Variants in SLC6A9 observed in about 807,000 individuals in gnomAD.
SLC6A9 encodes the protein solute carrier family 6 member 9.
A neutral mutation model predicts 70.9 loss-of-function variants in SLC6A9; 31 were observed. The observed-to-expected ratio is 0.44, with a 90% confidence interval of 0.33 to 0.59. The LOEUF (loss-of-function observed/expected upper bound fraction) is 0.59, where lower values mean the gene tolerates loss of function less well. SLC6A9 is among the 20% of genes least tolerant of loss of function. SLC6A9 has a pLI of 0.04. For synonymous variants in SLC6A9, 310 were observed against 341.3 expected (o/e 0.91, Z 1.01); for missense variants, 631 against 845.2 (o/e 0.75, Z 3.14).
In SLC6A9 at chr1:44,002,511, C is replaced by A; in HGVS notation, c.858+1G>T. 2 of 1,614,188 alleles carry A rather than the reference C, an allele frequency of 1.2e-6. No homozygotes were observed. Among genetic ancestry groups the A allele is most frequent in the Non-Finnish European group, 1.7e-6 (2 of 1,180,020 alleles). On this transcript the variant is annotated splice_donor_variant, in intron 7 of 13. Coordinates refer to ENST00000372310, the MANE Select transcript of SLC6A9 (RefSeq NM_001024845.3). LOFTEE classifies it high-confidence loss of function. This position sits in a 1 kb window ranked among gnomAD's most constrained non-coding sequence, Gnocchi z 5.5. ...CCCTTCCGGTTTCCCTCACTTCCCA[C>A]CTTGGCCTCCAGGATCTTGTCCCAC...
chr1:44,009,883 T>C, intron 4 of SLC6A9, 82 bp downstream of exon 4: 1 of 1,529,572 alleles, frequency 6.5e-7, no homozygotes, highest in Non-Finnish European at 8.9e-7. Flanking sequence ...GCCATGTTTG[T>C]ACAGATGGGC....
At chr1:44,008,241 C>T (rs1017388851) in intron 5 of SLC6A9, 112 bp downstream of exon 5, 9 of 1,049,936 alleles carry the variant, frequency 8.6e-6, no homozygotes, top group Admixed American at 3.6e-5. Flanking sequence ...TCTCCCAGCC[C>T]AGCAGCGGGC....
Position 44,008,502 on chromosome 1 carries a change from G to A in SLC6A9, c.441C>T (p.Cys147=). The change falls in exon 5 of 14, where the codon TGC becomes TGT. Residue 147 remains cysteine, a synonymous_variant. Transcript: ENST00000372310. The stretch of plus-strand genomic sequence containing the variant: ...AGTCATGCGTGTTCCAGGGGTTATT[G>A]CAGTAGGCCCAGGGCAGCACGTGCG... ...SMTHVLPWAY[C]NNPWNTHDCA... is the part of the protein sequence containing the mutation. 1 of 1,614,198 alleles carries A rather than the reference G, an allele frequency of 6.2e-7. No homozygotes were observed. Among genetic ancestry groups the A allele is most frequent in the East Asian group, 2.2e-5 (1 of 44,874 alleles).
intron 1 of SLC6A9, among the ~76,000 whole-genome samples, chr1:44,029,607 T>C (rs1487104970): frequency 6.6e-6 from 1 of 152,178 alleles, no homozygotes. Flanking sequence ...GCCTTCCTAC[T>C]GTACCCCCAC....
At chr1:44,008,974 C>T (rs1251729536) in intron 4 of SLC6A9, among the ~76,000 whole-genome samples, 2 of 150,714 alleles carry the variant, frequency 1.3e-5, no homozygotes, top group Admixed American at 6.6e-5. Context: ...CCTGCCTCGG[C>T]CTCCCGAAGT....
At chr1:44,008,247 C>G in intron 5 of SLC6A9, 106 bp downstream of exon 5, 3 of 1,085,800 alleles carry the variant, frequency 2.8e-6, no homozygotes, top group Non-Finnish European at 4.2e-6. Flanking sequence ...AGCCCAGCAG[C>G]GGGCTGAACC....
intron 2 of SLC6A9, among the ~76,000 whole-genome samples, chr1:44,019,805 A>G (rs2086847252): frequency 1.3e-5 from 2 of 152,236 alleles, no homozygotes; most frequent in African/African-American, 4.8e-5. Flanking sequence ...CAGAGGGGCA[A>G]GGAGGCTAGG....
At position 44,010,306 on chromosome 1, in the gene SLC6A9, G is replaced by A; in HGVS notation, c.188-210C>T. 8.8e-6 allele frequency: 5 copies of A among 567,852 alleles called. No homozygotes were observed. The South Asian group carries it at 1.1e-4, about 12-fold the overall frequency. The allele number at this position is 567,852 out of a possible 1,614,324, so 35.2% of individuals were successfully genotyped here. On this transcript the variant is annotated intron_variant, in intron 3 of 13. Transcript: ENST00000372310. Reference sequence around the variant, plus strand: ...GCTCTCAGGAATTCTGCTTGGAGTGGAATCCAGGTCCCAGAGCCTCCATAC... The same window carrying A: ...GCTCTCAGGAATTCTGCTTGGAGTGAAATCCAGGTCCCAGAGCCTCCATAC...
rs773894277 is a variant in SLC6A9, at chr1:44,000,793, G to A, written c.1510C>T (p.Arg504Cys). ...PPPLFFQICW[R>C]FVSPAIIFFI... Reference sequence around the variant, plus strand: ...AAGATGATGGCGGGAGAGACGAAGCGCCAGCAGATCTGAAAGAAGAGGGGT... The same window carrying A: ...AAGATGATGGCGGGAGAGACGAAGCACCAGCAGATCTGAAAGAAGAGGGGT... Residue 504 changes from arginine (R) to cysteine (C), a missense_variant, in exon 12 of 14, where the codon CGC becomes TGC. Coordinates refer to ENST00000372310, the MANE Select transcript of SLC6A9 (RefSeq NM_001024845.3). 5.6e-6 allele frequency: 9 copies of A among 1,610,770 alleles called. No individual in the cohort carries two copies. Among genetic ancestry groups the A allele is most frequent in the Admixed American group, 5.0e-5 (3 of 59,540 alleles).
chr1:44,016,547 C>G (rs1330762193), intron 2 of SLC6A9: 1 of 157,900 alleles, frequency 6.3e-6, no homozygotes, highest in African/African-American at 2.4e-5. Flanking sequence ...TTGCCCTGGA[C>G]CCTGGAAAAT....
chr1:44,004,163 T>G (rs1022935294), intron 5 of SLC6A9, among the ~76,000 whole-genome samples: 4 of 150,660 alleles, frequency 2.7e-5, no homozygotes, highest in Admixed American at 2.0e-4. Flanking sequence ...CTGGGCTAAT[T>G]TTTGTATTTT....
At chr1:43,998,781 C>A (rs747182359) in intron 12 of SLC6A9, among the ~76,000 whole-genome samples, 1 of 152,124 alleles carries the variant, frequency 6.6e-6, no homozygotes, top group Non-Finnish European at 1.5e-5. Flanking sequence ...TGTCTATGGC[C>A]GTGGAGACAG....
intron 2 of SLC6A9, among the ~76,000 whole-genome samples, chr1:44,012,648 A>T (rs2086612681): frequency 6.6e-6 from 1 of 152,246 alleles, no homozygotes; most frequent in African/African-American, 2.4e-5. Context: ...GTGGGGGTGC[A>T]ATGAAATGTA....
In SLC6A9 at chr1:44,002,289, C is replaced by T. The variant is rs199876968; in HGVS notation, c.962+24G>A. The T allele has an allele frequency of 9.0e-6, 14 of 1,558,142 alleles. No individual in the cohort carries two copies. Among genetic ancestry groups the T allele is most frequent in the Non-Finnish European group, 1.2e-5 (14 of 1,129,080 alleles). On this transcript the variant is annotated intron_variant, in intron 8 of 13. Coordinates refer to ENST00000372310, the MANE Select transcript of SLC6A9 (RefSeq NM_001024845.3). This position sits in a 1 kb window ranked among gnomAD's most constrained non-coding sequence, Gnocchi z 5.5. ...GCAGAGAGTGCAGGAAGGGGGCAGCCTCAGCCCAGCAGGGAGCACTCACCG... is the reference window on the plus strand; with the variant it reads ...GCAGAGAGTGCAGGAAGGGGGCAGCTTCAGCCCAGCAGGGAGCACTCACCG...
chr1:44,016,232 C>T (rs537705996), intron 2 of SLC6A9, among the ~76,000 whole-genome samples: 67 of 152,158 alleles, frequency 4.4e-4, no homozygotes, highest in Non-Finnish European at 7.9e-4. Flanking sequence ...TGTGCTGCAG[C>T]GGCTGGGGGC....
In SLC6A9 at chr1:44,014,865, T is replaced by A. The variant is rs2086688789; in HGVS notation, c.31-3983A>T. The A allele has an allele frequency of 2.6e-5, 4 of 152,008 alleles. No individual in the cohort carries two copies. In the South Asian group the frequency reaches 8.3e-4, roughly 31 times the overall value. The allele number at this position is 152,008 out of a possible 1,614,324, so 9.4% of individuals were successfully genotyped here. A position where few individuals can be genotyped will look rare whatever the true frequency, so the allele number is the denominator to read the frequency against. ...CTGTCTACAAAAGCAGGGGACAGAC[T>A]AGATAACCTCACTATCAGACAAGAT... On this transcript the variant is annotated intron_variant, in intron 2 of 13. Coordinates refer to ENST00000372310, the MANE Select transcript of SLC6A9 (RefSeq NM_001024845.3).
At chr1:44,010,140 G>A (rs770103417) in intron 3 of SLC6A9, 44 bp from the exon 4 acceptor site, 4 of 1,608,782 alleles carry the variant, frequency 2.5e-6, no homozygotes, top group African/African-American at 2.7e-5. Context: ...GGCTTGGAGG[G>A]ATCTCACCCT....
intron 1 of SLC6A9, among the ~76,000 whole-genome samples, chr1:44,030,140 C>T (rs963860915): frequency 2.0e-5 from 3 of 152,074 alleles, no homozygotes; most frequent in Admixed American, 6.5e-5. Context: ...CGGAGGCCTC[C>T]GGCCGGCGGG....
chr1:44,010,757 G>A lies in SLC6A9; in HGVS notation c.156C>T (p.Arg52=). The A allele has an allele frequency of 6.2e-7, 1 of 1,614,074 alleles. No homozygotes were observed. The highest frequency in any genetic ancestry group is 8.5e-7 in the Non-Finnish European group (1 of 1,179,928). Residue 52 remains arginine, a synonymous_variant, in exon 3 of 14, where the codon CGC becomes CGT. Coordinates refer to ENST00000372310, the MANE Select transcript of SLC6A9 (RefSeq NM_001024845.3). The stretch of plus-strand genomic sequence containing the variant: ...CGTTGCGATAGCAGAGGTATGGGAA[G>A]CGCCAGACATTGCCCAGGCCCACGG... ...GYAVGLGNVW[R]FPYLCYRNGG... is the part of the protein sequence containing the mutation.
Sources: gnomAD v4.1 joint callset for allele counts (sites outside exome capture counted in the v4.1 genomes callset) on GRCh38, gnomAD v4.1.1 for gene constraint, Gnocchi (gnomAD v3.1) non-coding constraint, MANE v1.5 for transcripts, NCBI Gene and HGNC (gene_info 2026-07-23, HGNC 2026-07-21) for gene names.